USP54: variants seen among roughly 807,000 people sequenced by gnomAD.
USP54 encodes the protein ubiquitin specific peptidase 54, also known as ubiquitin carboxyl-terminal hydrolase 54.
A neutral mutation model predicts 170.5 loss-of-function variants in USP54; 87 were observed. The observed-to-expected ratio is 0.51, with a 90% CI of 0.43 to 0.61. USP54 has a LOEUF of 0.61. Among genes scored for constraint, USP54 ranks in the 20% least tolerant of loss-of-function variants. The probability of loss-of-function intolerance (pLI) is 0.00; values close to 1 mark genes in which losing one functional copy is unlikely to be tolerated. For missense variants in USP54, 1,786 were observed against 2,047.8 expected, an observed-to-expected ratio of 0.87 and a Z score of 2.47; for synonymous variants, 655 against 742.8, an observed-to-expected ratio of 0.88 and a Z score of 1.92.
At position 73,504,931 on chromosome 10, in the gene USP54, C is replaced by A. The variant is rs1363038686; in HGVS notation, c.4230G>T (p.Glu1410Asp). ...GACTGCGTGAGATGCGACGTAAATTCTCTGCACTGTACTGCTCATCCTCCC... is the reference window on the plus strand; with the variant it reads ...GACTGCGTGAGATGCGACGTAAATTATCTGCACTGTACTGCTCATCCTCCC... ...ECGEDEQYSA[E>D]NLRRISRSLS... The change falls in exon 22 of 24, where the codon GAG becomes GAT. Residue 1410 changes from glutamate to aspartate, a missense_variant. Transcript: ENST00000687698. The A allele has an allele frequency of 6.2e-7, 1 of 1,614,140 alleles. No individual in the cohort carries two copies. Among genetic ancestry groups the A allele is most frequent in the South Asian group, 1.1e-5 (1 of 91,070 alleles).
chr10:73,517,706 G>A lies in USP54; in HGVS notation c.2720C>T (p.Ala907Val). The change falls in exon 20 of 24, where the codon GCC becomes GTC. Residue 907 changes from alanine to valine, a missense_variant. Coordinates refer to ENST00000687698, the MANE Select transcript of USP54 (RefSeq NM_001391956.1). ...TGTATCCATGCCGGATTCCAGTTGGGCCTCTTGGCTTAACAATACTTGGAG... is the reference window on the plus strand; with the variant it reads ...TGTATCCATGCCGGATTCCAGTTGGACCTCTTGGCTTAACAATACTTGGAG... ...IPLQVLLSQE[A>V]QLESGMDTEF... 3.1e-6 allele frequency: 5 copies of A among 1,614,106 alleles called. No individual in the cohort carries two copies. Among genetic ancestry groups the A allele is most frequent in the Non-Finnish European group, 4.2e-6 (5 of 1,180,022 alleles).
chr10:73,550,725 A>C (rs2069092358), intron 4 of USP54, among the ~76,000 whole-genome samples: 1 of 152,180 alleles, frequency 6.6e-6, no homozygotes, highest in African/African-American at 2.4e-5. Flanking sequence ...GTAAGGAATC[A>C]CCTTAAAAAG....
rs765399205 is a variant in USP54, at chr10:73,517,062, ACT to A, written c.3362_3363del (p.Glu1121ValfsTer13). On this transcript the variant is annotated frameshift_variant, in exon 20 of 24. Coordinates refer to ENST00000687698, the MANE Select transcript of USP54 (RefSeq NM_001391956.1). LOFTEE classifies it high-confidence loss of function. ...DRGSEETYRP[E>X]FPSTKGLVRS... ...CGGACAAGCCCCTTTGTGCTGGGAA[ACT>A]CTGGCCTATAGGTCTCCTCACTGCC... The A allele has an allele frequency of 1.4e-5, 23 of 1,614,076 alleles. No homozygotes were observed. Among genetic ancestry groups the A allele is most frequent in the Non-Finnish European group, 1.9e-5 (22 of 1,180,018 alleles).
intron 1 of USP54, among the ~76,000 whole-genome samples, chr10:73,585,493 G>C (rs1266410672): frequency 1.3e-5 from 2 of 152,126 alleles, no homozygotes; most frequent in Non-Finnish European, 2.9e-5. Context: ...GAGGTCTCAG[G>C]CTCTCTTAAA....
At chr10:73,580,621 G>A (rs891326688) in intron 1 of USP54, among the ~76,000 whole-genome samples, 1 of 152,060 alleles carries the variant, frequency 6.6e-6, no homozygotes, top group Non-Finnish European at 1.5e-5. Context: ...TGCCCAGGCT[G>A]GAGCGCAATG....
At chr10:73,544,439 T>C (rs376411048) in intron 5 of USP54, among the ~76,000 whole-genome samples, 4 of 152,252 alleles carry the variant, frequency 2.6e-5, no homozygotes, top group African/African-American at 9.6e-5. Flanking sequence ...TTTACTATTA[T>C]GAATAACACT....
intron 1 of USP54, among the ~76,000 whole-genome samples, chr10:73,621,469 G>A (rs950298672): frequency 4.1e-5 from 6 of 147,994 alleles, no homozygotes; most frequent in African/African-American, 5.0e-5. Context: ...GCATGGTGGC[G>A]GGCACCTGTA....
intron 4 of USP54, among the ~76,000 whole-genome samples, chr10:73,568,046 T>C (rs1186267837): frequency 6.6e-6 from 1 of 152,154 alleles, no homozygotes; most frequent in East Asian, 1.9e-4. Context: ...CCAGAGTAGC[T>C]GAGTCTACAG....
rs200543090 is a variant in USP54 at position 73,499,120 on chromosome 10, A to G, written c.4564T>C (p.Tyr1522His). ...DRGETSQGAK[Y>H]TGRTLNYQSL... ...TGGTAGTTCAAAGTCCTTCCTGTGTACTTGGCCCCTTGGGAAGTTTCACCC... is the reference window on the plus strand; with the variant it reads ...TGGTAGTTCAAAGTCCTTCCTGTGTGCTTGGCCCCTTGGGAAGTTTCACCC... The change falls in exon 24 of 24, where the codon TAC becomes CAC. Residue 1522 changes from tyrosine (Y) to histidine (H), a missense_variant. Around this residue, in one of 3 missense-constraint regions of USP54, gnomAD observed 1,418 missense variants for 1,569.0 expected, o/e 0.90. Coordinates refer to ENST00000687698, the MANE Select transcript of USP54 (RefSeq NM_001391956.1). The G allele has an allele frequency of 4.3e-6, 7 of 1,614,026 alleles. No individual in the cohort carries two copies. Among genetic ancestry groups the G allele is most frequent in the Non-Finnish European group, 5.9e-6 (7 of 1,179,954 alleles).
At chr10:73,505,987 T>C (rs951591181) in intron 20 of USP54, 5 of 152,326 alleles carry the variant, frequency 3.3e-5, no homozygotes, top group Non-Finnish European at 5.9e-5. Context: ...TCAAGACTTA[T>C]AGACAGAGGA....
In USP54 at chr10:73,511,568, G is replaced by A. The variant is rs186920072; in HGVS notation, c.4051+4807C>T. 9.9e-5 allele frequency among the ~76,000 whole-genome samples: 15 copies of A among 151,370 alleles called. 1 individual carries two copies. Among genetic ancestry groups the A allele is most frequent in the Admixed American group, 3.3e-4 (5 of 15,196 alleles). ...CCAGCTACTTGGGAGGCTGAAGCAC[G>A]AGAATCGCTTGAACCTGGGAGACGG... On this transcript the variant is annotated intron_variant, in intron 20 of 23. Transcript: ENST00000687698.
chr10:73,603,308 A>C (rs1000190182), intron 1 of USP54, among the ~76,000 whole-genome samples: 2 of 152,208 alleles, frequency 1.3e-5, no homozygotes, highest in East Asian at 3.8e-4. Context: ...ATATATAATA[A>C]AATTTTTAAA....
intron 1 of USP54, among the ~76,000 whole-genome samples, chr10:73,610,257 A>G (rs2080030024): frequency 6.6e-6 from 1 of 152,196 alleles, no homozygotes; most frequent in Non-Finnish European, 1.5e-5. Flanking sequence ...ATTTCTTCTC[A>G]GGAGAAACTT....
chr10:73,504,806 A>G (rs1482358175), intron 22 of USP54, 44 bp downstream of exon 22: 2 of 1,613,330 alleles, frequency 1.2e-6, no homozygotes, highest in Non-Finnish European at 1.7e-6. Flanking sequence ...TTTGCTTAGC[A>G]AGGAGGAGGG....
chr10:73,618,446 T>TA (rs906791378), intron 1 of USP54, among the ~76,000 whole-genome samples: 19 of 149,998 alleles, frequency 1.3e-4, no homozygotes, highest in Middle Eastern at 3.2e-3. Flanking sequence ...AAATTTTTGG[T>TA]AAAAAATTAG....
chr10:73,600,731 T>C (rs959314135), intron 1 of USP54, among the ~76,000 whole-genome samples: 1 of 152,128 alleles, frequency 6.6e-6, no homozygotes, highest in Non-Finnish European at 1.5e-5. Flanking sequence ...CTGGCCAACA[T>C]GGTGAAACCC....
At chr10:73,588,077 AAC>A (rs369130716) in intron 1 of USP54, among the ~76,000 whole-genome samples, 1 of 152,228 alleles carries the variant, frequency 6.6e-6, no homozygotes, top group African/African-American at 2.4e-5. Flanking sequence ...CTTACAGGCA[AAC>A]ACACACACAC....
chr10:73,619,237 C>CT (rs1260301250), intron 1 of USP54, among the ~76,000 whole-genome samples: 4 of 149,632 alleles, frequency 2.7e-5, no homozygotes, highest in Admixed American at 6.6e-5. Context: ...TTTCTTTTTT[C>CT]TTTTTTTTGA....
intron 4 of USP54, among the ~76,000 whole-genome samples, chr10:73,568,541 A>G (rs2074343947): frequency 1.3e-5 from 2 of 152,242 alleles, no homozygotes; most frequent in South Asian, 2.1e-4. Context: ...TGTTCAAACT[A>G]GAGCCTAATT....
Sources: gnomAD v4.1 joint callset for allele counts (sites outside exome capture counted in the v4.1 genomes callset) on GRCh38, gnomAD v4.1.1 for gene constraint, gnomAD v4.1.1 regional missense constraint, MANE v1.5 for transcripts, NCBI Gene and HGNC (gene_info 2026-07-23, HGNC 2026-07-21) for gene names.